Variants in DNASE1 observed in about 807,000 individuals in gnomAD.
DNASE1 encodes deoxyribonuclease 1.
Under a neutral mutation model 33.9 loss-of-function variants are expected in DNASE1, and 40 were observed. The ratio of observed to expected loss-of-function variants is 1.18; its 90% CI spans 0.92 to 1.54. The LOEUF is 1.54. Among genes scored for constraint, DNASE1 ranks in the 40% most tolerant of loss-of-function variants. The pLI is 0.00. For synonymous variants in DNASE1, 216 were observed against 160.0 expected (o/e 1.35, Z -2.64); for missense variants, 518 against 372.6 (o/e 1.39, Z -3.21).
intron 1 of DNASE1, among the ~76,000 whole-genome samples, chr16:3,647,884 G>A (rs2151200453): frequency 6.6e-6 from 1 of 152,218 alleles, no homozygotes; most frequent in South Asian, 2.1e-4. Context: ...TTAGCCAGGT[G>A]TGGCTGGGTG....
intron 1 of DNASE1, chr16:3,612,102 C>G (rs911963836): frequency 1.3e-5 from 2 of 152,106 alleles, no homozygotes; most frequent in African/African-American, 4.8e-5. Flanking sequence ...AGGGGATGCC[C>G]GAGCTCTTCC....
At chr16:3,622,091 A>T (rs2041337313) in intron 1 of DNASE1, among the ~76,000 whole-genome samples, 1 of 151,676 alleles carries the variant, frequency 6.6e-6, no homozygotes, top group South Asian at 2.1e-4. Flanking sequence ...ATGGTGGCGC[A>T]CCCCTGTAAT....
chr16:3,656,783 C>T (rs779566221), intron 5 of DNASE1, 30 bp downstream of exon 5: 94 of 1,575,188 alleles, frequency 6.0e-5, no homozygotes, highest in Middle Eastern at 3.3e-4. Context: ...GGGTGGGGCT[C>T]GGCTTGGCGC....
upstream of DNASE1, chr16:3,651,898 AG>A (rs2042346598): frequency 6.6e-6 from 1 of 152,390 alleles, no homozygotes; most frequent in African/African-American, 2.4e-5. Context: ...CACAGGCTGC[AG>A]GGGCAGGATG....
intron 1 of DNASE1, 71 bp downstream of exon 1, chr16:3,655,115 C>T (rs1193114340): frequency 2.8e-5 from 17 of 598,670 alleles, no homozygotes; most frequent in African/African-American, 7.4e-5. Context: ...AGAGTCTCAT[C>T]CTCCAGCAGC....
rs377655756 is a variant in DNASE1 at position 3,656,625 on chromosome 16, G to T, written c.321-13G>T. The T allele has an allele frequency of 2.5e-6, 4 of 1,602,698 alleles. No individual in the cohort carries two copies. The highest frequency in any genetic ancestry group is 1.3e-5 in the African/African-American group (1 of 74,586). On this transcript the variant is annotated splice_polypyrimidine_tract_variant and intron_variant, in intron 4 of 8. Coordinates refer to ENST00000246949, the MANE Select transcript of DNASE1 (RefSeq NM_005223.4). ...AGCCTGGGGTCACCTCCTCCTGCCC[G>T]GCCTTCCCGCAGGCCTGACCAGGTG...
intron 1 of DNASE1, among the ~76,000 whole-genome samples, chr16:3,637,557 G>T (rs1479110262): frequency 6.6e-6 from 1 of 152,182 alleles, no homozygotes; most frequent in Non-Finnish European, 1.5e-5. Context: ...AGGCTTAGGG[G>T]TGCTTAAGTT....
intron 2 of DNASE1, 103 bp from the exon 3 acceptor site, chr16:3,655,746 A>C (rs959190551): frequency 6.7e-7 from 1 of 1,498,194 alleles, no homozygotes; most frequent in Non-Finnish European, 9.2e-7. Flanking sequence ...GCTGCGGTTA[A>C]ACCGAGCAAT....
chr16:3,644,128 A>G (rs975196676), intron 1 of DNASE1, among the ~76,000 whole-genome samples: 1 of 152,208 alleles, frequency 6.6e-6, no homozygotes, highest in African/African-American at 2.4e-5. Context: ...AAGTTCTAAA[A>G]CAGAAAAGCA....
chr16:3,633,606 C>T (rs2041769797), intron 1 of DNASE1, among the ~76,000 whole-genome samples: 1 of 146,544 alleles, frequency 6.8e-6, no homozygotes, highest in Admixed American at 6.9e-5. Context: ...GAGACTCCAT[C>T]TCAAGAGAAA....
exon 10 of DNASE1, chr16:3,663,627 T>G: frequency 6.2e-7 from 1 of 1,600,266 alleles, no homozygotes; most frequent in Non-Finnish European, 8.5e-7. Flanking sequence ...GAAGAAAGGA[T>G]GAGGGCGGCA....
Position 3,614,515 on chromosome 16 carries a change from G to A in DNASE1, c.-1359+2509G>A, listed in dbSNP as rs116307882. Among the ~76,000 whole-genome samples, 275 of 152,322 alleles carry A rather than the reference G, an allele frequency of 1.8e-3. 3 individuals are homozygous for A. The highest frequency in any genetic ancestry group is 5.9e-3 in the African/African-American group (245 of 41,552). ...CTCAGAAATAGCAAGTCAGGGCGGA[G>A]TAAACATTTTAGGATTGGATAATTT... On this transcript the variant is annotated intron_variant and NMD_transcript_variant, in intron 1 of 11. Transcript: ENST00000570769.
intron 1 of DNASE1, among the ~76,000 whole-genome samples, chr16:3,621,154 G>A (rs2041296971): frequency 6.6e-6 from 1 of 151,926 alleles, no homozygotes. Flanking sequence ...AGAATGCAGT[G>A]GCACGAGCAT....
exon 10 of DNASE1, chr16:3,664,270 C>T (rs749142527): frequency 5.1e-6 from 8 of 1,580,108 alleles, no homozygotes; most frequent in Admixed American, 3.8e-5. Context: ...CACCGCTCAC[C>T]CACCTCTGTG....
chr16:3,650,616 A>T (rs528720246), upstream of DNASE1: 1 of 147,870 alleles, frequency 6.8e-6, no homozygotes, highest in African/African-American at 2.5e-5. Context: ...AAAAAAAAAA[A>T]AAAAGAAAAG....
chr16:3,638,415 G>A (rs2041936008), upstream of DNASE1, among the ~76,000 whole-genome samples: 1 of 152,126 alleles, frequency 6.6e-6, no homozygotes, highest in African/African-American at 2.4e-5. Flanking sequence ...TTGGCTCACT[G>A]CAAGCTCCGC....
chr16:3,641,534 T>A (rs2042022121), upstream of DNASE1, among the ~76,000 whole-genome samples: 1 of 152,190 alleles, frequency 6.6e-6, no homozygotes, highest in East Asian at 1.9e-4. Flanking sequence ...GCATCTGTCC[T>A]GGAGGCCATC....
At chr16:3,621,935 A>T (rs2041329920) in intron 1 of DNASE1, among the ~76,000 whole-genome samples, 1 of 152,252 alleles carries the variant, frequency 6.6e-6, no homozygotes, top group Admixed American at 6.6e-5. Context: ...AAAGAAGCCA[A>T]ATTGGCCAGG....
chr16:3,631,457 G>C (rs1240091583), intron 1 of DNASE1, among the ~76,000 whole-genome samples: 1 of 152,010 alleles, frequency 6.6e-6, no homozygotes, highest in African/African-American at 2.4e-5. Context: ...CACCTGCCTC[G>C]GCCTCCCAAA....
Sources: gnomAD v4.1 joint callset for allele counts (sites outside exome capture counted in the v4.1 genomes callset) on GRCh38, gnomAD v4.1.1 for gene constraint, MANE v1.5 for transcripts, NCBI Gene and HGNC (gene_info 2026-07-23, HGNC 2026-07-21) for gene names.